KLHL1: variants seen among roughly 807,000 people sequenced by gnomAD.
KLHL1 encodes the protein kelch like family member 1.
Under a neutral mutation model 77.7 loss-of-function variants are expected in KLHL1, and 47 were observed. That is an observed-to-expected ratio of 0.60 (90% CI 0.48 to 0.77). KLHL1 has a LOEUF of 0.77. Among genes scored for constraint, KLHL1 ranks in the 30% least tolerant of loss-of-function variants. KLHL1 has a pLI of 0.00. For missense variants in KLHL1, 925 were observed against 910.8 expected, an observed-to-expected ratio of 1.02 and a Z score of -0.20; for synonymous variants, 360 against 325.2, an observed-to-expected ratio of 1.11 and a Z score of -1.15.
chr13:70,069,242 G>A (rs1887084197), intron 1 of KLHL1, among the ~76,000 whole-genome samples: 1 of 152,076 alleles, frequency 6.6e-6, no homozygotes, highest in African/African-American at 2.4e-5. Flanking sequence ...AACAAACACT[G>A]AAAGCCTTTG....
intron 1 of KLHL1, among the ~76,000 whole-genome samples, chr13:70,021,302 G>A (rs926340325): frequency 1.3e-5 from 2 of 151,932 alleles, no homozygotes; most frequent in Non-Finnish European, 2.9e-5. Flanking sequence ...TCACTAATAT[G>A]CATTAAAGTG....
intron 4 of KLHL1, among the ~76,000 whole-genome samples, chr13:69,939,340 C>CATATATATATATAT (rs34074889): frequency 1.4e-3 from 87 of 60,772 alleles, no homozygotes; most frequent in South Asian, 4.6e-3. Flanking sequence ...CATATACATA[C>CATATATATATATAT]ATATATATAT....
At chr13:69,950,665 A>T (rs1883679581) in intron 3 of KLHL1, among the ~76,000 whole-genome samples, 2 of 151,626 alleles carry the variant, frequency 1.3e-5, no homozygotes, top group Non-Finnish European at 3.0e-5. Context: ...CTTATCACAG[A>T]TATGTTCTTT....
chr13:69,880,178 AC>A (rs1880933831), intron 5 of KLHL1, among the ~76,000 whole-genome samples: 1 of 152,114 alleles, frequency 6.6e-6, no homozygotes, highest in African/African-American at 2.4e-5. Flanking sequence ...AAATCACTTA[AC>A]CTCTTTGAGC....
intron 4 of KLHL1, among the ~76,000 whole-genome samples, chr13:69,902,552 TAC>T (rs1169920973): frequency 1.3e-5 from 2 of 152,128 alleles, no homozygotes; most frequent in African/African-American, 4.8e-5. Context: ...GTGGCATATA[TAC>T]ACCACGGAAT....
chr13:69,866,787 C>T (rs1880380175), intron 5 of KLHL1, among the ~76,000 whole-genome samples: 1 of 152,030 alleles, frequency 6.6e-6, no homozygotes, highest in Non-Finnish European at 1.5e-5. Flanking sequence ...TTATCTAGGG[C>T]AATTCACTGA....
intron 8 of KLHL1, among the ~76,000 whole-genome samples, chr13:69,734,461 T>A (rs994876973): frequency 6.6e-6 from 1 of 151,146 alleles, no homozygotes; most frequent in African/African-American, 2.4e-5. Flanking sequence ...CTCCAAGAAC[T>A]ATTAATACTA....
chr13:70,049,521 A>T (rs1886580942), intron 1 of KLHL1, among the ~76,000 whole-genome samples: 1 of 152,194 alleles, frequency 6.6e-6, no homozygotes, highest in African/African-American at 2.4e-5. Context: ...TGCTCCCATC[A>T]TCTGGTGAAG....
intron 10 of KLHL1, 128 bp from the exon 11 acceptor site, chr13:69,701,889 A>T: frequency 1.7e-6 from 1 of 597,942 alleles, no homozygotes; most frequent in Non-Finnish European, 2.7e-6. Context: ...AGCCAGAAGT[A>T]GTACAGTAAA....
At chr13:70,106,738 C>T (rs1444005993) in intron 1 of KLHL1, among the ~76,000 whole-genome samples, 1 of 152,120 alleles carries the variant, frequency 6.6e-6, no homozygotes, top group Non-Finnish European at 1.5e-5. Context: ...TTTTGTCCAC[C>T]TCATTACTCC....
At position 69,853,898 on chromosome 13, in the gene KLHL1, G is replaced by T. The variant is rs376677651; in HGVS notation, c.1228-14736C>A. Among the ~76,000 whole-genome samples, 69 of 152,020 alleles carry T rather than the reference G, an allele frequency of 4.5e-4. 1 individual carries two copies. Among genetic ancestry groups the T allele is most frequent in the African/African-American group, 1.5e-3 (63 of 41,518 alleles). On this transcript the variant is annotated intron_variant, in intron 5 of 10. Transcript: ENST00000377844. ...ATATGGAGACTTTGCTTAGCGTAAG[G>T]CTTAATAATAATCACTCAACCAATA... is the stretch of plus-strand genomic sequence containing the variant.
intron 4 of KLHL1, among the ~76,000 whole-genome samples, chr13:69,897,401 C>G (rs1335049268): frequency 2.0e-5 from 3 of 152,212 alleles, no homozygotes; most frequent in Admixed American, 2.0e-4. Flanking sequence ...CAGTCCTTGA[C>G]ATCAACGGAC....
intron 7 of KLHL1, among the ~76,000 whole-genome samples, chr13:69,773,263 T>C (rs1448608441): frequency 6.6e-6 from 1 of 152,086 alleles, no homozygotes; most frequent in Non-Finnish European, 1.5e-5. Context: ...CCTCTGGAAA[T>C]TTTTTATGTT....
intron 1 of KLHL1, among the ~76,000 whole-genome samples, chr13:70,086,553 A>T (rs1229035736): frequency 7.7e-6 from 1 of 129,910 alleles, no homozygotes; most frequent in Non-Finnish European, 1.6e-5. Flanking sequence ...AGCCTGGGTG[A>T]CAGAGGGAAG....
chr13:69,808,884 A>T (rs114552169), intron 6 of KLHL1, among the ~76,000 whole-genome samples: 3,653 of 152,262 alleles, frequency 0.024, 142 homozygotes, highest in African/African-American at 0.084. Context: ...GATTTTCTGC[A>T]ATTAAAAAGT....
At chr13:69,849,000 T>G (rs1249123682) in intron 5 of KLHL1, among the ~76,000 whole-genome samples, 2 of 151,624 alleles carry the variant, frequency 1.3e-5, no homozygotes, top group South Asian at 2.1e-4. Context: ...TTTCTAAAAG[T>G]AAAATAAGTT....
chr13:69,921,591 A>C (rs1174949123), intron 4 of KLHL1, among the ~76,000 whole-genome samples: 2 of 151,980 alleles, frequency 1.3e-5, no homozygotes, highest in Non-Finnish European at 2.9e-5. Context: ...TCAAATCCTA[A>C]CCCTCTTCCT....
At chr13:70,107,065 G>T in intron 1 of KLHL1, 138 bp downstream of exon 1, 2 of 1,264,320 alleles carry the variant, frequency 1.6e-6, no homozygotes, top group African/African-American at 1.5e-5. Context: ...TAGAACTTGA[G>T]TAATCAAAAC....
intron 7 of KLHL1, among the ~76,000 whole-genome samples, chr13:69,760,350 A>T (rs1004990023): frequency 1.3e-5 from 2 of 150,992 alleles, no homozygotes; most frequent in East Asian, 3.9e-4. Context: ...AGGATATTTT[A>T]TTATTATTAT....
Sources: allele counts gnomAD v4.1 joint callset (sites outside exome capture counted in the v4.1 genomes callset), GRCh38; gene constraint gnomAD v4.1.1; transcripts MANE v1.5; gene names NCBI Gene and HGNC (gene_info 2026-07-23, HGNC 2026-07-21).